Variants in ADAMTS19 observed in about 807,000 individuals in gnomAD.
The protein encoded by ADAMTS19 is A disintegrin and metalloproteinase with thrombospondin motifs 19.
ADAMTS19 carries 93 observed loss-of-function variants against 153.3 expected under a neutral mutation model. The ratio of observed to expected loss-of-function variants is 0.61; its 90% CI spans 0.51 to 0.72. ADAMTS19 has a LOEUF of 0.72. Among genes scored for constraint, ADAMTS19 ranks in the 30% least tolerant of loss-of-function variants. The pLI is 0.00. For missense variants in ADAMTS19, 1,482 were observed against 1,552.1 expected (o/e 0.95, Z 0.76); for synonymous variants, 600 against 556.6 (o/e 1.08, Z -1.10).
chr5:129,616,231 G>C (rs1751519216), intron 8 of ADAMTS19, among the ~76,000 whole-genome samples: 1 of 151,854 alleles, frequency 6.6e-6, no homozygotes, highest in Admixed American at 6.6e-5. Context: ...TATAGACTTA[G>C]ATATACCACT....
chr5:129,466,533 TA>T (rs1255051256), intron 2 of ADAMTS19, among the ~76,000 whole-genome samples: 1 of 152,062 alleles, frequency 6.6e-6, no homozygotes. Context: ...TTTGTTAGAA[TA>T]AAAACTCAAT....
intron 8 of ADAMTS19, among the ~76,000 whole-genome samples, chr5:129,620,297 T>C (rs756345891): frequency 6.6e-6 from 1 of 152,088 alleles, no homozygotes; most frequent in Non-Finnish European, 1.5e-5. Context: ...AAATGTATTA[T>C]TTCTGAGTTT....
intron 2 of ADAMTS19, among the ~76,000 whole-genome samples, chr5:129,471,073 C>T (rs894206012): frequency 1.6e-3 from 6 of 3,688 alleles, no homozygotes; most frequent in Admixed American, 3.8e-3. Context: ...CAAAATCAGG[C>T]GGTGGGATGT....
At chr5:129,537,352 G>A (rs1191121853) in intron 6 of ADAMTS19, among the ~76,000 whole-genome samples, 1 of 152,190 alleles carries the variant, frequency 6.6e-6, no homozygotes, top group Admixed American at 6.6e-5. Flanking sequence ...TTCAACCATT[G>A]TGGAAGTCGG....
At chr5:129,559,360 T>G (rs1457044009) in intron 7 of ADAMTS19, among the ~76,000 whole-genome samples, 1 of 151,898 alleles carries the variant, frequency 6.6e-6, no homozygotes, top group East Asian at 1.9e-4. Flanking sequence ...CCAAAGACCA[T>G]TTTTGGAAGA....
At chr5:129,729,047 G>A (rs1417685883) in intron 21 of ADAMTS19, among the ~76,000 whole-genome samples, 8 of 152,030 alleles carry the variant, frequency 5.3e-5, no homozygotes, top group Non-Finnish European at 1.0e-4. Flanking sequence ...TCACCACCTA[G>A]ATGACAGTAA....
intron 18 of ADAMTS19, among the ~76,000 whole-genome samples, chr5:129,687,225 G>C (rs1333844127): frequency 6.6e-6 from 1 of 152,146 alleles, no homozygotes; most frequent in African/African-American, 2.4e-5. Flanking sequence ...TCTTGTGGTT[G>C]GGGGGCAGGC....
intron 21 of ADAMTS19, among the ~76,000 whole-genome samples, chr5:129,713,440 A>G (rs1370345137): frequency 1.3e-5 from 2 of 152,224 alleles, no homozygotes; most frequent in African/African-American, 2.4e-5. Context: ...AATTAGAAAG[A>G]TATCACATGA....
intron 18 of ADAMTS19, among the ~76,000 whole-genome samples, chr5:129,684,499 G>GCATTATATTA (rs55770530): frequency 0.23 from 31,058 of 132,524 alleles, 3,446 homozygotes; most frequent in South Asian, 0.27. Context: ...ACTACTCTTT[G>GCATTATATTA]CATTACATTA....
chr5:129,591,622 A>AT (rs1750138127), intron 7 of ADAMTS19, among the ~76,000 whole-genome samples: 2 of 152,004 alleles, frequency 1.3e-5, no homozygotes, highest in Admixed American at 1.3e-4. Flanking sequence ...CATACTCAGC[A>AT]TTTTTGCACC....
chr5:129,473,611 A>G (rs1356712726), intron 2 of ADAMTS19, among the ~76,000 whole-genome samples: 1 of 152,158 alleles, frequency 6.6e-6, no homozygotes, highest in Non-Finnish European at 1.5e-5. Flanking sequence ...GCCTGTTCAT[A>G]AATTTAATTA....
At chr5:129,658,312 AGAAAGAAAGAAAG>A (rs1161228043) in intron 14 of ADAMTS19, among the ~76,000 whole-genome samples, 5 of 25,068 alleles carry the variant, frequency 2.0e-4, no homozygotes, top group Admixed American at 4.3e-4. Flanking sequence ...AGAAAGAAAA[AGAAAGAAAGAAAG>A]AAAGAAAGAA....
intron 8 of ADAMTS19, among the ~76,000 whole-genome samples, chr5:129,617,890 G>A (rs1368256102): frequency 6.6e-6 from 1 of 151,960 alleles, no homozygotes; most frequent in Non-Finnish European, 1.5e-5. Flanking sequence ...ATCTGTTTAT[G>A]TATCTTTTGA....
rs184701652 is a variant in ADAMTS19, at chr5:129,652,314, A to G, written c.2177-1992A>G. Reference sequence around the variant, plus strand: ...CACAATTCTTTTAAAAACATGTGACACCTTAAAATACAAGTGGCTGTATCT... The same window carrying G: ...CACAATTCTTTTAAAAACATGTGACGCCTTAAAATACAAGTGGCTGTATCT... On this transcript the variant is annotated intron_variant, in intron 13 of 22. Transcript: ENST00000274487. Among the ~76,000 whole-genome samples the G allele has an allele frequency of 1.0e-3, 159 of 152,356 alleles. 1 individual carries two copies. The highest frequency in any genetic ancestry group is 3.4e-3 in the Middle Eastern group (1 of 294).
intron 2 of ADAMTS19, among the ~76,000 whole-genome samples, chr5:129,484,117 C>A (rs976772988): frequency 1.3e-5 from 2 of 151,948 alleles, no homozygotes; most frequent in Admixed American, 6.6e-5. Context: ...TACATTTTTT[C>A]TTTTGTGCAT....
chr5:129,704,180 C>T (rs578140442), intron 20 of ADAMTS19, 59 bp from the exon 21 acceptor site: 19 of 1,551,340 alleles, frequency 1.2e-5, no homozygotes, highest in Non-Finnish European at 1.6e-5. Context: ...TTAATTGAGC[C>T]TATCATCTAT....
intron 15 of ADAMTS19, among the ~76,000 whole-genome samples, chr5:129,660,140 A>G (rs191596887): frequency 6.6e-6 from 1 of 152,358 alleles, no homozygotes; most frequent in Admixed American, 6.5e-5. Context: ...TAAGCAGAAT[A>G]AAAGATAAGT....
intron 6 of ADAMTS19, among the ~76,000 whole-genome samples, chr5:129,545,368 A>G (rs531827611): frequency 2.0e-5 from 3 of 152,290 alleles, no homozygotes; most frequent in African/African-American, 7.2e-5. Flanking sequence ...CCAGCAGGCT[A>G]CATAGAGTGG....
chr5:129,534,539 T>C (rs1752342865), intron 6 of ADAMTS19, among the ~76,000 whole-genome samples: 1 of 151,818 alleles, frequency 6.6e-6, no homozygotes. Context: ...TTCCAATCAA[T>C]AGAAAAAGGG....
Sources: allele counts gnomAD v4.1 joint callset (sites outside exome capture counted in the v4.1 genomes callset), GRCh38; gene constraint gnomAD v4.1.1; transcripts MANE v1.5; gene names NCBI Gene and HGNC (gene_info 2026-07-23, HGNC 2026-07-21).